The following CDH12 variants were observed in gnomAD, a reference collection of about 807,000 sequenced individuals.
CDH12 encodes cadherin 12.
A neutral mutation model predicts 74.1 loss-of-function variants in CDH12; 41 were observed. That is an observed-to-expected ratio of 0.55 (90% CI 0.43 to 0.72). The LOEUF (loss-of-function observed/expected upper bound fraction) is 0.72, where lower values mean the gene tolerates loss of function less well. Among genes scored for constraint, CDH12 ranks in the 30% least tolerant of loss-of-function variants. CDH12 has a pLI of 0.00. For synonymous variants in CDH12, 399 were observed against 355.0 expected (o/e 1.12, Z -1.39); for missense variants, 945 against 977.2 (o/e 0.97, Z 0.44).
chr5:22,083,223 T>C (rs909902983), intron 4 of CDH12, among the ~76,000 whole-genome samples: 2 of 152,222 alleles, frequency 1.3e-5, no homozygotes, highest in Non-Finnish European at 2.9e-5. Context: ...AGAACTTTAA[T>C]ATGACATTTA....
intron 5 of CDH12, among the ~76,000 whole-genome samples, chr5:22,034,463 C>T (rs1739034655): frequency 2.0e-5 from 3 of 152,102 alleles, no homozygotes; most frequent in African/African-American, 4.8e-5. Context: ...ATATGATGCA[C>T]GGTGTGTTTC....
intron 6 of CDH12, among the ~76,000 whole-genome samples, chr5:21,969,846 A>G (rs938633065): frequency 2.0e-5 from 3 of 152,216 alleles, no homozygotes; most frequent in Admixed American, 6.5e-5. Flanking sequence ...CCAATAGAAC[A>G]TAATGAGGAG....
At chr5:22,341,638 T>C (rs529903246) in intron 3 of CDH12, among the ~76,000 whole-genome samples, 1 of 152,230 alleles carries the variant, frequency 6.6e-6, no homozygotes, top group African/African-American at 2.4e-5. Flanking sequence ...TGCACAGACA[T>C]AGTGAGGATC....
At chr5:22,426,640 T>C (rs1385768459) in intron 2 of CDH12, among the ~76,000 whole-genome samples, 1 of 152,162 alleles carries the variant, frequency 6.6e-6, no homozygotes, top group Non-Finnish European at 1.5e-5. Flanking sequence ...TACAGATGGA[T>C]TTATTTAATT....
At position 21,852,530 on chromosome 5, in the gene CDH12, A is replaced by G. The variant is rs80118646; in HGVS notation, c.646+2141T>C. 3.9e-3 allele frequency among the ~76,000 whole-genome samples: 596 copies of G among 151,398 alleles called. 5 individuals carry two copies. The highest frequency in any genetic ancestry group is 0.014 in the African/African-American group (573 of 41,462). ...GTATTCATTTGACCATAAAAATTATATTTTTAACCCATCCTTTACGTTTAA... is the reference window on the plus strand; with the variant it reads ...GTATTCATTTGACCATAAAAATTATGTTTTTAACCCATCCTTTACGTTTAA... On this transcript the variant is annotated intron_variant, in intron 7 of 14. Coordinates refer to ENST00000382254, the MANE Select transcript of CDH12 (RefSeq NM_004061.5).
intron 1 of CDH12, among the ~76,000 whole-genome samples, chr5:22,614,475 A>G (rs1737583866): frequency 6.6e-6 from 1 of 151,864 alleles, no homozygotes; most frequent in Non-Finnish European, 1.5e-5. Flanking sequence ...TGGATAAAGA[A>G]GTTGCAGGAT....
At chr5:22,258,358 A>T (rs1753393102) in intron 3 of CDH12, among the ~76,000 whole-genome samples, 1 of 152,064 alleles carries the variant, frequency 6.6e-6, no homozygotes, top group South Asian at 2.1e-4. Flanking sequence ...GGCTTCAACG[A>T]TGCTCTGTGG....
chr5:22,816,620 CATA>C (rs891395885), intron 1 of CDH12, among the ~76,000 whole-genome samples: 1 of 152,126 alleles, frequency 6.6e-6, no homozygotes, highest in Non-Finnish European at 1.5e-5. Context: ...GATAATTTAA[CATA>C]TTAAGTTTCC....
chr5:22,084,580 T>C (rs1166784096), intron 4 of CDH12, among the ~76,000 whole-genome samples: 1 of 152,150 alleles, frequency 6.6e-6, no homozygotes, highest in Non-Finnish European at 1.5e-5. Context: ...TGAGAACGTG[T>C]GTGAGTGCAT....
chr5:22,612,770 G>A (rs979418300), intron 1 of CDH12, among the ~76,000 whole-genome samples: 1 of 152,040 alleles, frequency 6.6e-6, no homozygotes, highest in Non-Finnish European at 1.5e-5. Flanking sequence ...CTGCTTATGT[G>A]TGAGATTTTT....
At chr5:22,135,635 G>T (rs540234862) in intron 4 of CDH12, among the ~76,000 whole-genome samples, 1 of 152,084 alleles carries the variant, frequency 6.6e-6, no homozygotes, top group Non-Finnish European at 1.5e-5. Flanking sequence ...TCTTCAGCAT[G>T]TCTGAAGAAT....
At chr5:21,833,292 T>TAATATATATTATATGTTATATAACATAC (rs1749286674) in intron 8 of CDH12, among the ~76,000 whole-genome samples, 1 of 56,924 alleles carries the variant, frequency 1.8e-5, no homozygotes, top group Non-Finnish European at 2.5e-5. Context: ...ATATAACATA[T>TAATATATATTATATGTTATATAACATAC]AATATATATT....
intron 1 of CDH12, among the ~76,000 whole-genome samples, chr5:22,551,127 G>T (rs2126733434): frequency 6.6e-6 from 1 of 152,270 alleles, no homozygotes; most frequent in East Asian, 1.9e-4. Context: ...GAGATCATAA[G>T]GGCGGGACCT....
chr5:22,449,768 T>C (rs913883861), intron 2 of CDH12, among the ~76,000 whole-genome samples: 2 of 152,056 alleles, frequency 1.3e-5, no homozygotes, highest in Non-Finnish European at 2.9e-5. Context: ...CTTTTTTATA[T>C]GCAGTAGACA....
At chr5:22,622,811 T>C (rs112386212) in intron 1 of CDH12, among the ~76,000 whole-genome samples, 10,513 of 152,126 alleles carry the variant, frequency 0.069, 444 homozygotes, top group East Asian at 0.24. Flanking sequence ...TCCTCCCTAA[T>C]TCATTTTATG....
chr5:22,073,070 C>A (rs949680035), intron 5 of CDH12, among the ~76,000 whole-genome samples: 7 of 151,978 alleles, frequency 4.6e-5, no homozygotes, highest in Admixed American at 3.9e-4. Flanking sequence ...TAAAATTGTG[C>A]CCAAAGGAAG....
intron 1 of CDH12, among the ~76,000 whole-genome samples, chr5:22,782,710 G>A (rs955994415): frequency 1.3e-5 from 2 of 151,906 alleles, no homozygotes; most frequent in Middle Eastern, 3.2e-3. Context: ...TATCCTCCAA[G>A]AAATTTTTGA....
intron 6 of CDH12, among the ~76,000 whole-genome samples, chr5:21,881,138 T>C (rs1284242983): frequency 6.6e-6 from 1 of 151,738 alleles, no homozygotes; most frequent in Non-Finnish European, 1.5e-5. Flanking sequence ...AAAAGAAAAA[T>C]GAAAAAAAAC....
intron 1 of CDH12, among the ~76,000 whole-genome samples, chr5:22,688,723 G>C (rs1308288017): frequency 6.6e-6 from 1 of 151,932 alleles, no homozygotes; most frequent in African/African-American, 2.4e-5. Context: ...ATAGGATGTT[G>C]TATAACTTTA....
Sources: gnomAD v4.1 joint callset for allele counts (sites outside exome capture counted in the v4.1 genomes callset) on GRCh38, gnomAD v4.1.1 for gene constraint, MANE v1.5 for transcripts, NCBI Gene and HGNC (gene_info 2026-07-23, HGNC 2026-07-21) for gene names.